Variants in LRRIQ1 observed in about 807,000 individuals in gnomAD.
LRRIQ1 encodes leucine rich repeats and IQ motif containing 1.
LRRIQ1 carries 210 observed loss-of-function variants against 211.9 expected under a neutral mutation model. The ratio of observed to expected loss-of-function variants is 0.99; its 90% CI spans 0.89 to 1.11. LRRIQ1 has a LOEUF of 1.11. Ranked by LOEUF, LRRIQ1 falls within the 50% of genes most tolerant of loss-of-function variation. The pLI, the probability that LRRIQ1 is intolerant of heterozygous loss-of-function variation, is 0.00. For missense variants in LRRIQ1, 2,136 were observed against 1,939.5 expected (o/e 1.10, Z -1.90); for synonymous variants, 699 against 650.1 (o/e 1.08, Z -1.14).
At chr12:85,053,882 T>C (rs540034923) in intron 7 of LRRIQ1, among the ~76,000 whole-genome samples, 3 of 152,252 alleles carry the variant, frequency 2.0e-5, no homozygotes, top group Admixed American at 2.0e-4. Context: ...TAATTTTTTG[T>C]ATTGTTAGTA....
At chr12:85,141,620 T>C (rs1308178399) in intron 19 of LRRIQ1, among the ~76,000 whole-genome samples, 3 of 149,756 alleles carry the variant, frequency 2.0e-5, no homozygotes, top group African/African-American at 7.3e-5. Flanking sequence ...AACGTATATC[T>C]TTCTAACCAT....
intron 24 of LRRIQ1, among the ~76,000 whole-genome samples, chr12:85,217,490 A>G (rs866018754): frequency 2.4e-5 from 2 of 84,086 alleles, no homozygotes; most frequent in African/African-American, 8.2e-5. Context: ...ATATATATAT[A>G]TGTATATATA....
rs1345722461 is a variant in LRRIQ1, at chr12:85,100,572, T to G, written c.3209+1578T>G. Among the ~76,000 whole-genome samples the G allele has an allele frequency of 2.6e-5, 4 of 151,844 alleles. No homozygotes were observed. The South Asian group carries it at 8.3e-4, about 31-fold the overall frequency. On this transcript the variant is annotated intron_variant, in intron 13 of 26. Coordinates refer to ENST00000393217, the MANE Select transcript of LRRIQ1 (RefSeq NM_001079910.2). Reference sequence around the variant, plus strand: ...ACAGAGCATTTTGGCATAAAAGAACTTAATTTTTAAAACTCATCTATACCA... The same window carrying G: ...ACAGAGCATTTTGGCATAAAAGAACGTAATTTTTAAAACTCATCTATACCA...
intron 6 of LRRIQ1, 152 bp downstream of exon 6, chr12:85,047,622 T>A: frequency 1.6e-6 from 1 of 610,504 alleles, no homozygotes; most frequent in Non-Finnish European, 2.8e-6. Context: ...TAACAGTATT[T>A]AATATGAGGT....
In LRRIQ1 at chr12:85,137,853, G is replaced by T; in HGVS notation, c.4213G>T (p.Val1405Phe). ...REKAAILIQA[V>F]WKGFILRKKL... ...CATACTTTACATTTTTGTTTAGGCA[G>T]TTTGGAAGGGCTTTATTTTGCGAAA... The change falls in exon 19 of 27, where the codon GTT becomes TTT. Residue 1405 changes from valine (V) to phenylalanine (F), a missense_variant. Transcript: ENST00000393217. 6.3e-7 allele frequency: 1 copy of T among 1,587,968 alleles called. No individual in the cohort carries two copies. Among genetic ancestry groups the T allele is most frequent in the Non-Finnish European group, 8.5e-7 (1 of 1,171,030 alleles).
At chr12:85,122,202 T>C (rs1258987927) in intron 16 of LRRIQ1, among the ~76,000 whole-genome samples, 2 of 152,166 alleles carry the variant, frequency 1.3e-5, no homozygotes, top group African/African-American at 4.8e-5. Flanking sequence ...CAAGACTATT[T>C]ATCCCCAAAT....
downstream of LRRIQ1, among the ~76,000 whole-genome samples, chr12:85,246,502 T>C (rs994230372): frequency 3.3e-5 from 5 of 151,458 alleles, no homozygotes; most frequent in Non-Finnish European, 7.4e-5. Flanking sequence ...AAAACTTCTG[T>C]TTATAATGTA....
chr12:85,130,561 G>A (rs1888678204), intron 18 of LRRIQ1, among the ~76,000 whole-genome samples: 2 of 152,120 alleles, frequency 1.3e-5, no homozygotes, highest in African/African-American at 4.8e-5. Context: ...ACAAAAGGAA[G>A]CATCATTCAG....
chr12:85,214,789 G>T (rs1893999490), intron 24 of LRRIQ1, among the ~76,000 whole-genome samples: 1 of 151,980 alleles, frequency 6.6e-6, no homozygotes. Flanking sequence ...TATAAACTTA[G>T]ATATGCAATT....
chr12:85,212,225 C>G (rs1410762689), intron 24 of LRRIQ1, among the ~76,000 whole-genome samples: 1 of 151,948 alleles, frequency 6.6e-6, no homozygotes, highest in Non-Finnish European at 1.5e-5. Flanking sequence ...ATGGAGGCTG[C>G]AGATGGTGCT....
chr12:85,084,375 CAG>C (rs1350280424), intron 11 of LRRIQ1, among the ~76,000 whole-genome samples: 4 of 151,986 alleles, frequency 2.6e-5, no homozygotes, highest in African/African-American at 9.7e-5. Context: ...TGTAATAATT[CAG>C]CCAATGATGC....
intron 18 of LRRIQ1, among the ~76,000 whole-genome samples, chr12:85,133,639 T>C (rs1361550123): frequency 6.6e-6 from 1 of 152,022 alleles, no homozygotes; most frequent in Non-Finnish European, 1.5e-5. Context: ...GTTTCAGGGT[T>C]TGAAAAGGAT....
At chr12:85,191,219 C>T (rs75708885) in intron 24 of LRRIQ1, among the ~76,000 whole-genome samples, 2,835 of 151,924 alleles carry the variant, frequency 0.019, 87 homozygotes, top group African/African-American at 0.065. Context: ...TGCTGTTGTG[C>T]ATTATATGGA....
At chr12:85,101,795 AGAT>A (rs1886364903) in intron 13 of LRRIQ1, among the ~76,000 whole-genome samples, 1 of 151,766 alleles carries the variant, frequency 6.6e-6, no homozygotes, top group Admixed American at 6.6e-5. Context: ...TATTACAAAA[AGAT>A]TTTTTCAAAG....
intron 13 of LRRIQ1, among the ~76,000 whole-genome samples, chr12:85,102,641 A>G (rs1210107218): frequency 1.3e-5 from 2 of 151,450 alleles, no homozygotes; most frequent in Admixed American, 1.3e-4. Context: ...GCCACACCCC[A>G]TGAGGCTTCC....
At chr12:85,049,854 C>G (rs1880087963) in intron 6 of LRRIQ1, among the ~76,000 whole-genome samples, 1 of 152,136 alleles carries the variant, frequency 6.6e-6, no homozygotes, top group Non-Finnish European at 1.5e-5. Context: ...GCATTTTATG[C>G]CAGCAAAAAT....
chr12:85,192,562 A>G (rs1892598238), intron 24 of LRRIQ1, among the ~76,000 whole-genome samples: 1 of 118,684 alleles, frequency 8.4e-6, no homozygotes, highest in African/African-American at 3.4e-5. Flanking sequence ...TATATAATAT[A>G]ATTATATATA....
chr12:85,062,691 G>A (rs1881979229), intron 8 of LRRIQ1, among the ~76,000 whole-genome samples: 1 of 151,334 alleles, frequency 6.6e-6, no homozygotes, highest in Admixed American at 6.6e-5. Context: ...TGGTAGAATG[G>A]TTTATTTTTC....
chr12:85,067,221 C>T (rs1010749546), intron 10 of LRRIQ1, among the ~76,000 whole-genome samples: 2 of 151,836 alleles, frequency 1.3e-5, no homozygotes, highest in African/African-American at 4.8e-5. Flanking sequence ...TCATCTGCTT[C>T]CCAAATGCCT....
Sources: gnomAD v4.1 joint callset for allele counts (sites outside exome capture counted in the v4.1 genomes callset) on GRCh38, gnomAD v4.1.1 for gene constraint, MANE v1.5 for transcripts, NCBI Gene and HGNC (gene_info 2026-07-23, HGNC 2026-07-21) for gene names.